ESPNL: variants seen among roughly 807,000 people sequenced by gnomAD.
ESPNL encodes espin-like protein.
ESPNL carries 49 observed loss-of-function variants against 46.8 expected under a neutral mutation model. That is an observed-to-expected ratio of 1.05 (90% CI 0.83 to 1.33). ESPNL has a LOEUF of 1.33. Among genes scored for constraint, ESPNL ranks in the 40% most tolerant of loss-of-function variants. The pLI, the probability that ESPNL is intolerant of heterozygous loss-of-function variation, is 0.00. For missense variants in ESPNL, 1,540 were observed against 1,436.6 expected (o/e 1.07, Z -1.16); for synonymous variants, 664 against 662.1 (o/e 1.00, Z -0.04).
chr2:238,108,127 A>T (rs1691638500), intron 4 of ESPNL, among the ~76,000 whole-genome samples, 154 bp downstream of exon 4: 1 of 152,180 alleles, frequency 6.6e-6, no homozygotes, highest in African/African-American at 2.4e-5. Flanking sequence ...CACTTGCCCA[A>T]GGTCAAGATC....
chr2:238,119,513 G>A (rs1189199953), intron 5 of ESPNL, among the ~76,000 whole-genome samples: 12 of 135,952 alleles, frequency 8.8e-5, no homozygotes, highest in East Asian at 2.5e-4. Flanking sequence ...GAGGAGGTGG[G>A]TGGAGGAGGG....
intron 5 of ESPNL, among the ~76,000 whole-genome samples, chr2:238,118,985 A>G (rs1178363713): frequency 8.1e-6 from 1 of 124,006 alleles, no homozygotes; most frequent in Non-Finnish European, 1.7e-5. Flanking sequence ...GGGTTAATGG[A>G]GGAGGAGTGG....
chr2:238,101,984 G>A lies in ESPNL; in HGVS notation c.338G>A (p.Arg113His), dbSNP rs140535260. ...GTCTCCCCGCTGCACCTGGCCGCCC[G>A]TTTTGGACACCCAGTGCTGGTGGAG... ...SGVSPLHLAA[R>H]FGHPVLVEWL... The change falls in exon 2 of 9, where the codon CGT becomes CAT. Residue 113 changes from arginine to histidine, a missense_variant. By Grantham distance (29) the Arg-to-His change is conservative (BLOSUM62 0). Transcript: ENST00000343063. The A allele has an allele frequency of 4.8e-5, 77 of 1,610,488 alleles. No individual in the cohort carries two copies. Among genetic ancestry groups the A allele is most frequent in the African/African-American group, 1.5e-4 (11 of 75,020 alleles).
Position 238,128,902 on chromosome 2 carries a change from C to T in ESPNL, c.1411C>T (p.Gln471Ter). ...GGGCGCAGAGAGCTCCGCAGAGGCC[C>T]AGGTAGGCCCCCGGCAGGGGCGGGA... ...RLGAESSAEA[Q>*]DNGGSSGPTE... Residue 471 changes from glutamine (Q) to a stop codon, truncating the protein, a stop_gained and splice_region_variant, in exon 8 of 9, where the codon CAG becomes TAG. Transcript: ENST00000343063. LOFTEE classifies it low-confidence loss of function (END_TRUNC). 1 of 1,537,770 alleles carries T rather than the reference C, an allele frequency of 6.5e-7. No homozygotes were observed. Among genetic ancestry groups the T allele is most frequent in the Non-Finnish European group, 8.7e-7 (1 of 1,143,900 alleles).
At chr2:238,104,516 C>A in intron 2 of ESPNL, 140 bp from the exon 3 acceptor site, 1 of 991,556 alleles carries the variant, frequency 1.0e-6, no homozygotes, top group Non-Finnish European at 1.4e-6. Context: ...AGGGGGGAAC[C>A]CCGCAGCAGC....
chr2:238,112,398 T>C (rs1174678886), intron 4 of ESPNL, among the ~76,000 whole-genome samples: 1 of 152,168 alleles, frequency 6.6e-6, no homozygotes, highest in African/African-American at 2.4e-5. Flanking sequence ...TTTTTGTGTT[T>C]CTTTTTTTGT....
At chr2:238,128,289 C>G (rs1197404634) in intron 7 of ESPNL, among the ~76,000 whole-genome samples, 1 of 152,226 alleles carries the variant, frequency 6.6e-6, no homozygotes, top group Non-Finnish European at 1.5e-5. Context: ...TCGTGGAGAG[C>G]TGGAGCGCGC....
At chr2:238,127,766 C>G in intron 7 of ESPNL, 32 bp downstream of exon 7, 1 of 1,552,660 alleles carries the variant, frequency 6.4e-7, no homozygotes, top group Non-Finnish European at 8.8e-7. Context: ...TCCTGTCTCC[C>G]GGGGCCCCTA....
intron 2 of ESPNL, among the ~76,000 whole-genome samples, chr2:238,102,440 C>T (rs2106463417): frequency 6.6e-6 from 1 of 152,296 alleles, no homozygotes; most frequent in Admixed American, 6.5e-5. Flanking sequence ...CTGGCCCCAC[C>T]TGGGGGCATC....
intron 6 of ESPNL, 107 bp downstream of exon 6, chr2:238,125,491 G>A (rs767225879): frequency 2.7e-5 from 15 of 552,218 alleles, no homozygotes; most frequent in Admixed American, 8.2e-5. Flanking sequence ...GCGGGCAGCC[G>A]GGCACCCCAT....
rs1481801820 is a variant in ESPNL at position 238,128,700 on chromosome 2, T to C, written c.1216-7T>C. The C allele has an allele frequency of 3.8e-6, 6 of 1,594,044 alleles. No individual in the cohort carries two copies. The highest frequency in any genetic ancestry group is 5.1e-6 in the Non-Finnish European group (6 of 1,171,116). ...CGGGCCTGTGTGACCCACCCCCTTCTGCACAGGGGACAGAGACGGCGCTGG... is the reference window on the plus strand; with the variant it reads ...CGGGCCTGTGTGACCCACCCCCTTCCGCACAGGGGACAGAGACGGCGCTGG... On this transcript the variant is annotated splice_region_variant and splice_polypyrimidine_tract_variant and intron_variant, in intron 7 of 8. Coordinates refer to ENST00000343063, the MANE Select transcript of ESPNL (RefSeq NM_194312.4).
chr2:238,130,293 G>T lies in ESPNL; in HGVS notation c.1579G>T (p.Glu527Ter). 6.2e-7 allele frequency: 1 copy of T among 1,607,430 alleles called. No homozygotes were observed. The highest frequency in any genetic ancestry group is 1.1e-5 in the South Asian group (1 of 90,130). The change falls in exon 9 of 9, where the codon GAG becomes TAG. Residue 527 changes from glutamate to a stop codon, truncating the protein, a stop_gained. Coordinates refer to ENST00000343063, the MANE Select transcript of ESPNL (RefSeq NM_194312.4). LOFTEE classifies it low-confidence loss of function (END_TRUNC). ...LQLRRRCQEY[E>*]SELGRLAAEL... ...GCTTCGGCGCCGCTGTCAGGAGTAT[G>T]AGAGTGAGCTGGGCCGGTTGGCGGC... is the stretch of plus-strand genomic sequence containing the variant.
chr2:238,101,862 C>A (rs1691485562), intron 1 of ESPNL, 79 bp from the exon 2 acceptor site: 5 of 1,089,598 alleles, frequency 4.6e-6, no homozygotes, highest in Non-Finnish European at 6.7e-6. Context: ...TGTGAGCCCT[C>A]GCCCAGGGCC....
intron 4 of ESPNL, among the ~76,000 whole-genome samples, chr2:238,115,577 A>G (rs1180650473): frequency 6.6e-6 from 1 of 152,258 alleles, no homozygotes; most frequent in Non-Finnish European, 1.5e-5. Context: ...CTCCACATGC[A>G]TGCTGAACCT....
At chr2:238,118,164 GA>G (rs1691858769) in intron 5 of ESPNL, among the ~76,000 whole-genome samples, 4 of 148,268 alleles carry the variant, frequency 2.7e-5, no homozygotes, top group African/African-American at 7.5e-5. Context: ...GATGGAGGAG[GA>G]ATGGATGGAG....
At position 238,132,262 on chromosome 2, in the gene ESPNL, A is replaced by G; in HGVS notation, c.*530A>G. On this transcript the variant is annotated 3_prime_UTR_variant, in exon 9 of 9. Transcript: ENST00000343063. ...TCCGAGGACAGATTCCATGGGCAGG[A>G]GGCCTTCCTGCCAGGCCATCCCTGC... 6.5e-6 allele frequency: 1 copy of G among 153,950 alleles called. No individual in the cohort carries two copies. Among genetic ancestry groups the G allele is most frequent in the Non-Finnish European group, 1.4e-5 (1 of 69,190 alleles). The allele number at this position is 153,950 out of a possible 1,614,324, so 9.5% of individuals were successfully genotyped here. A position where few individuals can be genotyped will look rare whatever the true frequency, so the allele number is the denominator to read the frequency against.
chr2:238,120,733 T>G (rs1362594145), intron 5 of ESPNL, among the ~76,000 whole-genome samples: 1 of 152,322 alleles, frequency 6.6e-6, no homozygotes, highest in East Asian at 1.9e-4. Flanking sequence ...CAGGGGGTGC[T>G]CGTCTCTCAC....
intron 5 of ESPNL, among the ~76,000 whole-genome samples, chr2:238,118,764 GGT>G (rs1691893482): frequency 1.7e-5 from 1 of 59,754 alleles, no homozygotes; most frequent in East Asian, 8.5e-4. Flanking sequence ...GATGGAGGAG[GGT>G]GGATGGAGGA....
rs1692322343 is a variant in ESPNL, at chr2:238,131,193, A to C, written c.2479A>C (p.Ser827Arg). Reference protein sequence around the residue: ...HVPARQLRRLSRQPRGALSPE... With the variant: ...HVPARQLRRLRRQPRGALSPE... ...GCCCGCCCGGCAGCTGCGGCGGCTG[A>C]GCCGGCAGCCCCGCGGGGCTTTGTC... Residue 827 changes from serine to arginine, a missense_variant, in exon 9 of 9, where the codon AGC (serine) becomes CGC (arginine). Coordinates refer to ENST00000343063, the MANE Select transcript of ESPNL (RefSeq NM_194312.4). 6.5e-7 allele frequency: 1 copy of C among 1,544,592 alleles called. No individual in the cohort carries two copies. Among genetic ancestry groups the C allele is most frequent in the East Asian group, 2.4e-5 (1 of 40,976 alleles).
Sources: gnomAD v4.1 joint callset for allele counts (sites outside exome capture counted in the v4.1 genomes callset) on GRCh38, gnomAD v4.1.1 for gene constraint, MANE v1.5 for transcripts, NCBI Gene and HGNC (gene_info 2026-07-23, HGNC 2026-07-21) for gene names.